Variants in ANKRD30B observed in about 807,000 individuals in gnomAD.
The protein encoded by ANKRD30B is ankyrin repeat domain 30B.
Under a neutral mutation model 202.2 loss-of-function variants are expected in ANKRD30B, and 144 were observed. The observed-to-expected ratio is 0.71, with a 90% CI of 0.62 to 0.82. The LOEUF is 0.82. Among genes scored for constraint, ANKRD30B ranks in the 40% least tolerant of loss-of-function variants. ANKRD30B has a pLI of 0.00. For missense variants in ANKRD30B, 1,487 were observed against 1,669.1 expected, an observed-to-expected ratio of 0.89 and a Z score of 1.90; for synonymous variants, 508 against 561.3, an observed-to-expected ratio of 0.91 and a Z score of 1.34.
At chr18:14,870,468 G>A in the ANKRD30B span, among the ~76,000 whole-genome samples, 3 of 152,172 alleles carry the variant, frequency 2.0e-5, no homozygotes, top group Non-Finnish European at 4.4e-5. Context: ...GGTTACCCAC[G>A]GGACTTTGTC....
intron 12 of ANKRD30B, 68 bp from the exon 13 acceptor site, chr18:14,784,268 A>G: frequency 6.8e-7 from 1 of 1,460,878 alleles, no homozygotes; most frequent in Admixed American, 1.7e-5. Context: ...AGATACTATC[A>G]CTGCATTCAC....
At chr18:14,831,507 A>T (rs191043645) in intron 34 of ANKRD30B, 52 bp downstream of exon 34, 2 of 985,434 alleles carry the variant, frequency 2.0e-6, no homozygotes, top group East Asian at 5.4e-5. Flanking sequence ...CTAATTCTGT[A>T]TAGTATTTAC....
At chr18:14,828,748 CTT>C (rs1421650630) in intron 33 of ANKRD30B, among the ~76,000 whole-genome samples, 1 of 152,174 alleles carries the variant, frequency 6.6e-6, no homozygotes, top group Non-Finnish European at 1.5e-5. Context: ...TAATCCAAGA[CTT>C]TGTTCTAACA....
chr18:14,915,442 C>G, the ANKRD30B span: 3 of 152,190 alleles, frequency 2.0e-5, no homozygotes, highest in Non-Finnish European at 4.4e-5. Context: ...CAACCTAGAC[C>G]AGGTAGAGAC....
At chr18:14,829,663 A>G (rs560303351) in intron 33 of ANKRD30B, among the ~76,000 whole-genome samples, 1 of 152,316 alleles carries the variant, frequency 6.6e-6, no homozygotes, top group South Asian at 2.1e-4. Flanking sequence ...GCATACTAAA[A>G]TAGGGTTCAA....
chr18:14,860,191 G>T, the ANKRD30B span, among the ~76,000 whole-genome samples: 1 of 149,146 alleles, frequency 6.7e-6, no homozygotes, highest in Non-Finnish European at 1.5e-5. Context: ...TCACCTCCCA[G>T]ATGATGGGCA....
rs370928882 is a variant in ANKRD30B at position 14,765,988 on chromosome 18, T to C, written c.1225+1898T>C. Among the ~76,000 whole-genome samples, 14 of 152,258 alleles carry C rather than the reference T, an allele frequency of 9.2e-5. No individual in the cohort carries two copies. The East Asian group carries it at 1.9e-3, about 21-fold the overall frequency. ...CATCAGTTAAGGGGCCATGTCTAAG[T>C]AGGAAATATAAATATAAAATAATAA... On this transcript the variant is annotated intron_variant, in intron 7 of 43. Coordinates refer to ENST00000690538, the MANE Select transcript of ANKRD30B (RefSeq NM_001367607.2).
the ANKRD30B span, among the ~76,000 whole-genome samples, chr18:14,904,299 G>A: frequency 1.3e-5 from 2 of 152,212 alleles, no homozygotes; most frequent in African/African-American, 4.8e-5. Flanking sequence ...ATTTATTTCA[G>A]GTTATTCTGA....
At chr18:14,913,798 C>T in the ANKRD30B span, among the ~76,000 whole-genome samples, 1 of 152,144 alleles carries the variant, frequency 6.6e-6, no homozygotes, top group African/African-American at 2.4e-5. Flanking sequence ...ATGTGTTTCC[C>T]ATGTGGTTTA....
intron 11 of ANKRD30B, among the ~76,000 whole-genome samples, chr18:14,781,486 A>G (rs1277983169): frequency 4.4e-5 from 2 of 45,396 alleles, no homozygotes; most frequent in African/African-American, 1.5e-4. Flanking sequence ...TTTAGTAGAG[A>G]CGGGATTTCA....
chr18:14,931,916 TCCCTCCTGCTCTGTCCCGGGCCC>T, the ANKRD30B span, among the ~76,000 whole-genome samples: 1 of 97,514 alleles, frequency 1.0e-5, no homozygotes, highest in African/African-American at 3.6e-5. Flanking sequence ...CCACCCCACC[TCCCTCCTGCTCTGTCCCGGGCCC>T]CCCACCCCAC....
chr18:14,914,594 C>T, the ANKRD30B span, among the ~76,000 whole-genome samples: 19 of 152,120 alleles, frequency 1.2e-4, no homozygotes, highest in African/African-American at 3.6e-4. Context: ...CAGAGAGAAA[C>T]GCATAAATAT....
intron 1 of ANKRD30B, among the ~76,000 whole-genome samples, chr18:14,749,244 TA>T (rs1460428539): frequency 6.6e-6 from 1 of 152,246 alleles, no homozygotes; most frequent in Non-Finnish European, 1.5e-5. Flanking sequence ...CAGTTTTACA[TA>T]AACCAAATAA....
chr18:14,929,662 G>A, the ANKRD30B span, among the ~76,000 whole-genome samples: 47 of 152,096 alleles, frequency 3.1e-4, no homozygotes, highest in Non-Finnish European at 6.6e-4. Flanking sequence ...TTGAGGACTT[G>A]GAGTGTACCT....
At chr18:14,894,575 T>C in the ANKRD30B span, among the ~76,000 whole-genome samples, 1 of 152,178 alleles carries the variant, frequency 6.6e-6, no homozygotes, top group African/African-American at 2.4e-5. Flanking sequence ...GAGGCAGTGG[T>C]TTGATATTTA....
At chr18:14,929,648 T>C in the ANKRD30B span, among the ~76,000 whole-genome samples, 78,709 of 151,940 alleles carry the variant, frequency 0.52, 20,654 homozygotes, top group Non-Finnish European at 0.53. Flanking sequence ...ATAATAAGTA[T>C]TCGTTGAGGA....
chr18:14,880,564 T>TG, the ANKRD30B span, among the ~76,000 whole-genome samples: 2 of 71,680 alleles, frequency 2.8e-5, no homozygotes, highest in African/African-American at 8.7e-5. Context: ...TTTTCTTTCT[T>TG]GGTTTTTTTT....
In ANKRD30B at chr18:14,812,368, CAT is replaced by C. The variant is rs1363786878; in HGVS notation, c.2489-735_2489-734del. Among the ~76,000 whole-genome samples, 185 of 140,778 alleles carry C rather than the reference CAT, an allele frequency of 1.3e-3. 10 individuals carry two copies. Among genetic ancestry groups the C allele is most frequent in the African/African-American group, 4.7e-3 (173 of 36,898 alleles). The allele number at this position is 140,778 out of a possible 152,430, so 92.4% of individuals were successfully genotyped here. The stretch of plus-strand genomic sequence containing the variant: ...TGTGGGCCTTGATTTTATCCTATAA[CAT>C]GTGGGGATGTGAGATTACTTAGGGC... On this transcript the variant is annotated intron_variant, in intron 28 of 43. Coordinates refer to ENST00000690538, the MANE Select transcript of ANKRD30B (RefSeq NM_001367607.2).
intron 24 of ANKRD30B, among the ~76,000 whole-genome samples, chr18:14,805,245 T>C (rs1742300242): frequency 1.3e-5 from 2 of 151,012 alleles, no homozygotes; most frequent in African/African-American, 4.9e-5. Context: ...AAACCATAAT[T>C]CTGAATTTAT....
Sources: gnomAD v4.1 joint callset for allele counts (sites outside exome capture counted in the v4.1 genomes callset) on GRCh38, gnomAD v4.1.1 for gene constraint, MANE v1.5 for transcripts, NCBI Gene and HGNC (gene_info 2026-07-23, HGNC 2026-07-21) for gene names.